Variants in B3GALT1 observed in about 807,000 individuals in gnomAD.
B3GALT1 encodes UDP-Gal:betaGlcNAc beta 1,3-galactosyltransferase, polypeptide 1.
A neutral mutation model predicts 23.2 loss-of-function variants in B3GALT1; 10 were observed. That is an observed-to-expected ratio of 0.43 (90% CI 0.27 to 0.73). The LOEUF (loss-of-function observed/expected upper bound fraction) is 0.73. Ranked by LOEUF, B3GALT1 falls within the 30% of genes least tolerant of loss-of-function variation. B3GALT1 has a pLI of 0.21. For synonymous variants in B3GALT1, 156 were observed against 141.5 expected, an observed-to-expected ratio of 1.10 and a Z score of -0.73; for missense variants, 299 against 405.4, an observed-to-expected ratio of 0.74 and a Z score of 2.25.
chr2:167,577,944 CACTTA>C (rs1163207864), intron 2 of B3GALT1, among the ~76,000 whole-genome samples: 3 of 151,904 alleles, frequency 2.0e-5, no homozygotes, highest in East Asian at 3.9e-4. Flanking sequence ...TCCTATTAGA[CACTTA>C]ACTTGTCAAG....
In B3GALT1 at chr2:167,872,032, G is replaced by C. The variant is rs1320688858; in HGVS notation, c.*2012G>C. On this transcript the variant is annotated 3_prime_UTR_variant, in exon 5 of 5. Transcript: ENST00000392690. ...TTCTCCTGCCTCAGCCTCCCGAGTA[G>C]CTGGGACTACAGGCGCCCGCCATCA... 1 of 150,048 alleles carries C rather than the reference G, an allele frequency of 6.7e-6. No homozygotes were observed. The highest frequency in any genetic ancestry group is 1.5e-5 in the Non-Finnish European group (1 of 67,590). 9.3% of individuals were successfully genotyped at this position (150,048 alleles called of 1,614,324 possible).
intron 4 of B3GALT1, among the ~76,000 whole-genome samples, chr2:167,839,287 T>G (rs1456239430): frequency 6.6e-6 from 1 of 151,564 alleles, no homozygotes; most frequent in Non-Finnish European, 1.5e-5. Flanking sequence ...CCCCATTGTC[T>G]CAGCCCAAAA....
At chr2:167,561,464 A>G (rs1192408417) in intron 2 of B3GALT1, among the ~76,000 whole-genome samples, 1 of 152,100 alleles carries the variant, frequency 6.6e-6, no homozygotes, top group Admixed American at 6.5e-5. Context: ...TCAGAGCAGA[A>G]CTGAAGGAAA....
chr2:167,534,566 A>G (rs946544992), intron 2 of B3GALT1, among the ~76,000 whole-genome samples: 4 of 152,248 alleles, frequency 2.6e-5, no homozygotes, highest in Admixed American at 2.0e-4. Context: ...ATATTTTTCT[A>G]AATTAGGATG....
intron 2 of B3GALT1, among the ~76,000 whole-genome samples, chr2:167,520,590 C>T (rs1700172939): frequency 6.6e-6 from 1 of 152,106 alleles, no homozygotes; most frequent in Non-Finnish European, 1.5e-5. Flanking sequence ...CCTTGAGCAT[C>T]GCAAAAAAAC....
At chr2:167,523,541 T>C (rs1459453980) in intron 2 of B3GALT1, among the ~76,000 whole-genome samples, 1 of 152,014 alleles carries the variant, frequency 6.6e-6, no homozygotes, top group Non-Finnish European at 1.5e-5. Context: ...TTCTCCTGCC[T>C]CAGCCTCCCA....
At chr2:167,341,560 G>T (rs1291634685) in intron 1 of B3GALT1, among the ~76,000 whole-genome samples, 1 of 152,094 alleles carries the variant, frequency 6.6e-6, no homozygotes, top group East Asian at 1.9e-4. Context: ...TATTTGGGAG[G>T]CTGAGGCAGG....
At chr2:167,725,970 A>G (rs1687306162) in intron 3 of B3GALT1, among the ~76,000 whole-genome samples, 1 of 152,142 alleles carries the variant, frequency 6.6e-6, no homozygotes, top group Non-Finnish European at 1.5e-5. Context: ...ATTTTAAAAT[A>G]TTTATGGGAT....
At chr2:167,435,896 CTCTG>C (rs1287124806) in intron 1 of B3GALT1, among the ~76,000 whole-genome samples, 5 of 151,538 alleles carry the variant, frequency 3.3e-5, no homozygotes, top group Admixed American at 6.6e-5. Context: ...GTATGAATTT[CTCTG>C]TCTTTCTATC....
chr2:167,528,595 A>T (rs1356877770), intron 2 of B3GALT1, among the ~76,000 whole-genome samples: 1 of 152,148 alleles, frequency 6.6e-6, no homozygotes, highest in Non-Finnish European at 1.5e-5. Flanking sequence ...CAAGTCTCTT[A>T]GTCTCTCTGT....
At position 167,456,682 on chromosome 2, in the gene B3GALT1, G is replaced by T. The variant is rs573909430; in HGVS notation, c.-510-33495G>T. Reference sequence around the variant, plus strand: ...AGAACAGCTCACAGAACTCAGAAAGGCACTTTACTTATGATTACCAGTTTA... The same window carrying T: ...AGAACAGCTCACAGAACTCAGAAAGTCACTTTACTTATGATTACCAGTTTA... On this transcript the variant is annotated intron_variant, in intron 1 of 4. Coordinates refer to ENST00000392690, the MANE Select transcript of B3GALT1 (RefSeq NM_020981.4). Among the ~76,000 whole-genome samples the T allele has an allele frequency of 2.3e-3, 344 of 152,126 alleles. 1 individual carries two copies. The highest frequency in any genetic ancestry group is 4.3e-3 in the Non-Finnish European group (291 of 68,002).
chr2:167,455,917 C>T (rs1044705628), intron 1 of B3GALT1, among the ~76,000 whole-genome samples: 3 of 151,986 alleles, frequency 2.0e-5, no homozygotes. Context: ...AAAATGAGGC[C>T]CAACCAACAC....
rs117825508 is a variant in B3GALT1 at position 167,830,284 on chromosome 2, G to A, written c.-230+11491G>A. Among the ~76,000 whole-genome samples the A allele has an allele frequency of 4.0e-4, 61 of 152,066 alleles. 2 individuals carry two copies. The East Asian group carries it at 0.01, about 25-fold the overall frequency. ...ACAGACCTGGGAGCAGGGGTCAGTA[G>A]CGGGCAGGCTGTGCGGCAAACATAC... On this transcript the variant is annotated intron_variant, in intron 4 of 4. Coordinates refer to ENST00000392690, the MANE Select transcript of B3GALT1 (RefSeq NM_020981.4).
chr2:167,732,534 G>C (rs1485605394), intron 3 of B3GALT1, among the ~76,000 whole-genome samples: 4 of 152,212 alleles, frequency 2.6e-5, no homozygotes, highest in Non-Finnish European at 1.5e-5. Flanking sequence ...AAATAAGCTA[G>C]TGGGACGGAA....
intron 2 of B3GALT1, among the ~76,000 whole-genome samples, chr2:167,568,584 T>G (rs1684222485): frequency 6.6e-6 from 1 of 152,096 alleles, no homozygotes; most frequent in African/African-American, 2.4e-5. Context: ...TTGGGTTGTT[T>G]GTTTTCTTAT....
chr2:167,814,086 A>G (rs1174222025), intron 3 of B3GALT1, among the ~76,000 whole-genome samples: 1 of 152,230 alleles, frequency 6.6e-6, no homozygotes, highest in African/African-American at 2.4e-5. Flanking sequence ...TTACAAGTAA[A>G]GGCATAGCAA....
At chr2:167,556,607 A>G (rs1037963758) in intron 2 of B3GALT1, among the ~76,000 whole-genome samples, 5 of 152,192 alleles carry the variant, frequency 3.3e-5, no homozygotes, top group African/African-American at 1.2e-4. Flanking sequence ...CAAGAACCTC[A>G]CTACTTTATT....
chr2:167,401,785 G>A (rs761877840), intron 1 of B3GALT1, among the ~76,000 whole-genome samples: 21 of 152,240 alleles, frequency 1.4e-4, no homozygotes, highest in Non-Finnish European at 2.5e-4. Context: ...AGCCAAAACC[G>A]TGAAGGGAAG....
At chr2:167,747,876 A>G (rs930693422) in intron 3 of B3GALT1, among the ~76,000 whole-genome samples, 3 of 152,368 alleles carry the variant, frequency 2.0e-5, no homozygotes, top group Admixed American at 6.5e-5. Flanking sequence ...CATGACTATT[A>G]AAACTGAGCA....
Sources: gnomAD v4.1 joint callset for allele counts (sites outside exome capture counted in the v4.1 genomes callset) on GRCh38, gnomAD v4.1.1 for gene constraint, MANE v1.5 for transcripts, NCBI Gene and HGNC (gene_info 2026-07-23, HGNC 2026-07-21) for gene names.